MED14: variants seen among roughly 807,000 people sequenced by gnomAD.
MED14 encodes the protein mediator complex subunit 14.
A neutral mutation model predicts 109.0 loss-of-function variants in MED14; 8 were observed. That is an observed-to-expected ratio of 0.07 (90% CI 0.04 to 0.13). The LOEUF is 0.13. Among genes scored for constraint, MED14 ranks in the 10% least tolerant of loss-of-function variants. The probability of loss-of-function intolerance (pLI) is 1.00; values close to 1 mark genes in which losing one functional copy is unlikely to be tolerated. For synonymous variants in MED14, 399 were observed against 408.7 expected, an observed-to-expected ratio of 0.98 and a Z score of 0.29; for missense variants, 711 against 1,142.4, an observed-to-expected ratio of 0.62 and a Z score of 5.44.
chrX:40,710,975 C>T (rs985608690), intron 8 of MED14, among the ~76,000 whole-genome samples, 194 bp downstream of exon 8: 2 of 111,857 alleles, frequency 1.8e-5, no homozygotes, highest in Admixed American at 9.5e-5. Context: ...GCAGAACCCA[C>T]GTATAGGGAA....
In MED14 at chrX:40,650,912, G is replaced by A. The variant is rs973232031; in HGVS notation, c.*894C>T. 1 of 752,103 alleles carries A rather than the reference G, an allele frequency of 1.3e-6. No homozygotes were observed. Among genetic ancestry groups the A allele is most frequent in the African/African-American group, 2.3e-5 (1 of 43,217 alleles). The allele number at this position is 752,103 out of a possible 1,213,427, so 62.0% of individuals were successfully genotyped here. ...TTAATGTTGTATGCAGAAGTATTCT[G>A]TAAACTAAATTTTCCTGACAGAAAA... On this transcript the variant is annotated 3_prime_UTR_variant, in exon 31 of 31. Transcript: ENST00000324817.
chrX:40,733,973 T>C lies in MED14; in HGVS notation c.215+1225A>G, dbSNP rs541282809. ...AATAAAACAGATGTTCCTCTCTTCATAAGCCAAGTCCTAAAATAGTAAAAA... is the reference window on the plus strand; with the variant it reads ...AATAAAACAGATGTTCCTCTCTTCACAAGCCAAGTCCTAAAATAGTAAAAA... On this transcript the variant is annotated intron_variant, in intron 1 of 30. Coordinates refer to ENST00000324817, the MANE Select transcript of MED14 (RefSeq NM_004229.4). 1.2e-4 allele frequency among the ~76,000 whole-genome samples: 13 copies of C among 112,286 alleles called. No homozygotes were observed. The South Asian group carries it at 4.4e-3, about 38-fold the overall frequency.
intron 25 of MED14, among the ~76,000 whole-genome samples, chrX:40,663,988 G>A (rs962739556): frequency 5.4e-5 from 6 of 110,796 alleles, no homozygotes; most frequent in African/African-American, 2.0e-4. Flanking sequence ...ACAATTAGAG[G>A]GTTGGTAGTT....
intron 3 of MED14, chrX:40,726,471 C>T (rs1931897850): frequency 1.1e-5 from 2 of 190,131 alleles, no homozygotes; most frequent in Non-Finnish European, 1.9e-5. Flanking sequence ...AGGAATAGCA[C>T]GAATATAAAC....
At position 40,692,326 on chromosome X, in the gene MED14, T is replaced by C; in HGVS notation, c.1846-9A>G. ...CATGGATCATCAGACAACTAGAATTTAAGTAAAGAACACAAACAGGTAAAA... is the reference window on the plus strand; with the variant it reads ...CATGGATCATCAGACAACTAGAATTCAAGTAAAGAACACAAACAGGTAAAA... On this transcript the variant is annotated splice_polypyrimidine_tract_variant and intron_variant, in intron 14 of 30. Coordinates refer to ENST00000324817, the MANE Select transcript of MED14 (RefSeq NM_004229.4). The C allele has an allele frequency of 8.8e-7, 1 of 1,139,495 alleles. No individual in the cohort carries two copies. The highest frequency in any genetic ancestry group is 1.2e-6 in the Non-Finnish European group (1 of 850,165). The allele number at this position is 1,139,495 out of a possible 1,213,427, so 93.9% of individuals were successfully genotyped here.
intron 23 of MED14, among the ~76,000 whole-genome samples, chrX:40,670,285 T>G (rs1278904381): frequency 3.6e-5 from 4 of 112,110 alleles, no homozygotes; most frequent in Non-Finnish European, 7.5e-5. Context: ...GTGAACTATT[T>G]CATTCGATTC....
Position 40,651,869 on chromosome X carries a change from T to C in MED14, c.4302A>G (p.Thr1434=). ...TTAAATCACGAACAGCTGCAAATATTGTGCATTCACCTGCAACAGAGAAAA... is the reference window on the plus strand; with the variant it reads ...TTAAATCACGAACAGCTGCAAATATCGTGCATTCACCTGCAACAGAGAAAA... ...EMNPPRQGEC[T]IFAAVRDLMA... is the part of the protein sequence containing the mutation. Residue 1434 remains threonine, a synonymous_variant, in exon 31 of 31, where the codon ACA becomes ACG. Transcript: ENST00000324817. 3 of 1,198,414 alleles carry C rather than the reference T, an allele frequency of 2.5e-6. No individual in the cohort carries two copies. Among genetic ancestry groups the C allele is most frequent in the Non-Finnish European group, 3.4e-6 (3 of 889,182 alleles).
At chrX:40,717,501 TG>T (rs1931570024) in intron 3 of MED14, among the ~76,000 whole-genome samples, 1 of 103,799 alleles carries the variant, frequency 9.6e-6, no homozygotes, top group Non-Finnish European at 2.0e-5. Context: ...TTCTAGTTCA[TG>T]GTTTTTTTGT....
At chrX:40,658,731 C>T (rs746653457) in intron 28 of MED14, among the ~76,000 whole-genome samples, 1 of 99,530 alleles carries the variant, frequency 1.0e-5, no homozygotes, top group Non-Finnish European at 2.0e-5. Context: ...GGCGCGGTGG[C>T]GTGCACCTGT....
intron 3 of MED14, among the ~76,000 whole-genome samples, chrX:40,723,160 C>G (rs1436985925): frequency 8.9e-6 from 1 of 111,853 alleles, no homozygotes; most frequent in Non-Finnish European, 1.9e-5. Context: ...ATCGTAACTA[C>G]AACAACTTTT....
rs193195692 is a variant in MED14, at chrX:40,663,539, C to T, written c.3449-379G>A. ...CCTGTTGAGCCACCATGTGAACAAA[C>T]CTCAGATCAAGTGTGAAACCACACA... On this transcript the variant is annotated intron_variant, in intron 25 of 30. Transcript: ENST00000324817. Among the ~76,000 whole-genome samples the T allele has an allele frequency of 3.0e-3, 336 of 111,888 alleles. 2 individuals are homozygous for T. Among genetic ancestry groups the T allele is most frequent in the Non-Finnish European group, 4.1e-3 (220 of 53,202 alleles).
chrX:40,716,292 C>CA (rs955594833), intron 3 of MED14, among the ~76,000 whole-genome samples: 14 of 108,312 alleles, frequency 1.3e-4, no homozygotes, highest in African/African-American at 1.0e-4. Flanking sequence ...GGAGGTTCCT[C>CA]AAAAAAAAAC....
chrX:40,677,336 G>A (rs1039838354), intron 21 of MED14, among the ~76,000 whole-genome samples: 2 of 111,289 alleles, frequency 1.8e-5, no homozygotes, highest in South Asian at 7.5e-4. Context: ...ATGGCCCAAG[G>A]AGATCATCCT....
At chrX:40,729,404 A>G in intron 1 of MED14, 59 bp from the exon 2 acceptor site, 1 of 1,076,774 alleles carries the variant, frequency 9.3e-7, no homozygotes, top group East Asian at 3.0e-5. Flanking sequence ...TAATGTGATA[A>G]TAGTCTTTAC....
rs142433510 is a variant in MED14, at chrX:40,730,133, T to C, written c.216-788A>G. On this transcript the variant is annotated intron_variant, in intron 1 of 30. Coordinates refer to ENST00000324817, the MANE Select transcript of MED14 (RefSeq NM_004229.4). ...TTCTTGAAGTACACACACCCAGCCA[T>C]TTAGATTGTCTCCCACCCACGTGCC... 8.2e-3 allele frequency among the ~76,000 whole-genome samples: 917 copies of C among 112,041 alleles called. 12 individuals carry two copies. Among genetic ancestry groups the C allele is most frequent in the African/African-American group, 0.028 (872 of 30,780 alleles).
intron 12 of MED14, 69 bp from the exon 13 acceptor site, chrX:40,697,252 C>T (rs1193713320): frequency 2.2e-5 from 14 of 635,730 alleles, no homozygotes; most frequent in Non-Finnish European, 2.9e-5. Context: ...TATCGATTTA[C>T]AAATGATTAA....
chrX:40,672,846 C>T (rs1929777526), intron 22 of MED14, among the ~76,000 whole-genome samples: 1 of 110,904 alleles, frequency 9.0e-6, no homozygotes, highest in Admixed American at 9.6e-5. Context: ...CATATATTTG[C>T]CCATACTGTT....
chrX:40,692,059 T>G, intron 15 of MED14, 124 bp downstream of exon 15: 3 of 580,768 alleles, frequency 5.2e-6, no homozygotes, highest in Non-Finnish European at 7.9e-6. Context: ...CTACCACTCC[T>G]CCCAAAATGA....
intron 1 of MED14, among the ~76,000 whole-genome samples, chrX:40,730,921 G>A (rs1347626704): frequency 1.9e-5 from 2 of 104,900 alleles, no homozygotes; most frequent in African/African-American, 6.9e-5. Flanking sequence ...GGGGGGGTGG[G>A]GTGCAGATCG....
Sources: allele counts gnomAD v4.1 joint callset (sites outside exome capture counted in the v4.1 genomes callset), GRCh38; gene constraint gnomAD v4.1.1; transcripts MANE v1.5; gene names NCBI Gene and HGNC (gene_info 2026-07-23, HGNC 2026-07-21).